Variants in MOSPD2 observed in about 807,000 individuals in gnomAD.
MOSPD2 encodes the protein motile sperm domain containing 2.
MOSPD2 carries 5 observed loss-of-function variants against 41.7 expected under a neutral mutation model. That is an observed-to-expected ratio of 0.12 (90% CI 0.06 to 0.25). MOSPD2 has a LOEUF of 0.25. Among genes scored for constraint, MOSPD2 ranks in the 10% least tolerant of loss-of-function variants. MOSPD2 has a pLI of 1.00. For missense variants in MOSPD2, 282 were observed against 375.2 expected (o/e 0.75, Z 2.05); for synonymous variants, 115 against 126.9 (o/e 0.91, Z 0.63).
intron 5 of MOSPD2, 139 bp downstream of exon 5, chrX:14,897,377 G>GT: frequency 2.2e-6 from 1 of 462,038 alleles, no homozygotes. Context: ...ACCTTGCAGT[G>GT]TGAGTGTAGT....
At position 14,920,337 on chromosome X, in the gene MOSPD2, C is replaced by T; in HGVS notation, c.*528C>T. The T allele has an allele frequency of 1.3e-6, 1 of 753,189 alleles. No homozygotes were observed. The highest frequency in any genetic ancestry group is 6.7e-5 in the South Asian group (1 of 14,823). The allele number at this position is 753,189 out of a possible 1,213,427, so 62.1% of individuals were successfully genotyped here. A position where few individuals can be genotyped will look rare whatever the true frequency, so the allele number is the denominator to read the frequency against. On this transcript the variant is annotated 3_prime_UTR_variant, in exon 15 of 15. Coordinates refer to ENST00000380492, the MANE Select transcript of MOSPD2 (RefSeq NM_152581.4). ...CATGACTTTGTAATTTTGAGAATTC[C>T]TCCCAGTGATGGTCAGTATTCTTTT... is the stretch of plus-strand genomic sequence containing the variant.
At chrX:14,888,380 G>A (rs889363049) in intron 2 of MOSPD2, among the ~76,000 whole-genome samples, 1 of 110,475 alleles carries the variant, frequency 9.1e-6, no homozygotes, top group African/African-American at 3.3e-5. Flanking sequence ...AATTATGGGG[G>A]CAGGTCTTTC....
At position 14,915,685 on chromosome X, in the gene MOSPD2, A is replaced by G. The variant is rs1335047719; in HGVS notation, c.1107A>G (p.Pro369=). Residue 369 remains proline (P), a synonymous_variant, in exon 12 of 15, where the codon CCA becomes CCG. Transcript: ENST00000380492. ...ATAAATAGGTGAGAACAACAGCTCC[A>G]GAAAAATACAGAGTCAAGCCAAGCA... The part of the protein sequence containing the change: ...IVAFKVRTTA[P]EKYRVKPSNS... 1 of 1,207,453 alleles carries G rather than the reference A, an allele frequency of 8.3e-7. No individual in the cohort carries two copies. The highest frequency in any genetic ancestry group is 3.0e-5 in the East Asian group (1 of 33,589).
chrX:14,917,627 T>A (rs2019286490), intron 13 of MOSPD2, among the ~76,000 whole-genome samples: 1 of 111,928 alleles, frequency 8.9e-6, no homozygotes, highest in African/African-American at 3.2e-5. Flanking sequence ...GCTTTAGACA[T>A]ATTGATTCAT....
rs377500177 is a variant in MOSPD2, at chrX:14,911,397, C to T, written c.863C>T (p.Thr288Ile). ...TLETISNEEQ[T>I]PLLKKINPTE... ...GAAACAATTTCTAATGAAGAACAAA[C>T]ACCTCTTCTTAAAAAGGTAACTTTA... Residue 288 changes from threonine to isoleucine, a missense_variant, in exon 9 of 15, where the codon ACA becomes ATA. Coordinates refer to ENST00000380492, the MANE Select transcript of MOSPD2 (RefSeq NM_152581.4). The T allele has an allele frequency of 5.1e-6, 6 of 1,181,111 alleles. No individual in the cohort carries two copies. Among genetic ancestry groups the T allele is most frequent in the Middle Eastern group, 4.7e-4 (2 of 4,230 alleles).
intron 2 of MOSPD2, among the ~76,000 whole-genome samples, chrX:14,891,500 AT>A (rs200381044): frequency 0.038 from 4,034 of 104,872 alleles, 86 homozygotes; most frequent in Non-Finnish European, 0.057. Context: ...TACTTAGTTA[AT>A]TTTTTTTTTA....
At chrX:14,899,391 A>G (rs937150734) in intron 5 of MOSPD2, among the ~76,000 whole-genome samples, 1 of 109,231 alleles carries the variant, frequency 9.2e-6, no homozygotes, top group Non-Finnish European at 1.9e-5. Flanking sequence ...CATAAATTCT[A>G]GACTAGGTAA....
intron 5 of MOSPD2, among the ~76,000 whole-genome samples, 162 bp downstream of exon 5, chrX:14,897,400 A>G (rs955680303): frequency 5.4e-5 from 6 of 111,951 alleles, no homozygotes; most frequent in Non-Finnish European, 1.1e-4. Context: ...AACATGGAAT[A>G]GGGTTTGCAG....
At chrX:14,908,479 C>A (rs1463170949) in intron 7 of MOSPD2, among the ~76,000 whole-genome samples, 1 of 111,358 alleles carries the variant, frequency 9.0e-6, no homozygotes, top group African/African-American at 3.3e-5. Context: ...TTATCAGAAC[C>A]ATAAGGTAAA....
At chrX:14,883,398 T>C (rs996530908) in intron 2 of MOSPD2, among the ~76,000 whole-genome samples, 1 of 111,815 alleles carries the variant, frequency 8.9e-6, no homozygotes, top group Non-Finnish European at 1.9e-5. Flanking sequence ...TTTGATAAGA[T>C]CTCTAGGAGA....
At chrX:14,896,359 T>C (rs1465676506) in intron 4 of MOSPD2, among the ~76,000 whole-genome samples, 3 of 111,196 alleles carry the variant, frequency 2.7e-5, no homozygotes, top group African/African-American at 9.8e-5. Flanking sequence ...GGCCCACTCA[T>C]TGGCTCTTCC....
At chrX:14,879,323 G>A (rs967451380) in intron 2 of MOSPD2, among the ~76,000 whole-genome samples, 5 of 111,580 alleles carry the variant, frequency 4.5e-5, no homozygotes, top group African/African-American at 1.6e-4. Context: ...TTCAAGAACT[G>A]GGGTTCCTTG....
intron 5 of MOSPD2, among the ~76,000 whole-genome samples, chrX:14,899,499 G>T (rs2092568734): frequency 1.1e-5 from 1 of 87,875 alleles, no homozygotes. Flanking sequence ...ATAATGATTA[G>T]TTACAAAGGT....
intron 13 of MOSPD2, among the ~76,000 whole-genome samples, chrX:14,918,131 G>A (rs748190948): frequency 1.8e-5 from 2 of 112,220 alleles, no homozygotes; most frequent in East Asian, 5.6e-4. Context: ...GGTAAGAAAC[G>A]CTGGTATAAA....
chrX:14,894,937 A>G (rs2092560414), intron 3 of MOSPD2, among the ~76,000 whole-genome samples: 1 of 112,235 alleles, frequency 8.9e-6, no homozygotes. Flanking sequence ...TAAAGAAACC[A>G]AAGTGATTTT....
intron 7 of MOSPD2, among the ~76,000 whole-genome samples, chrX:14,904,310 A>G: frequency 8.9e-6 from 1 of 112,117 alleles, no homozygotes; most frequent in Non-Finnish European, 1.9e-5. Context: ...AGTGGGCTCA[A>G]CATATGAAAA....
chrX:14,883,193 C>T (rs1286678798), intron 2 of MOSPD2, among the ~76,000 whole-genome samples: 1 of 105,535 alleles, frequency 9.5e-6, no homozygotes, highest in Non-Finnish European at 1.9e-5. Context: ...GACTCCATCT[C>T]GAAAAAAAAA....
intron 7 of MOSPD2, among the ~76,000 whole-genome samples, chrX:14,907,110 C>T (rs1459854472): frequency 1.8e-5 from 2 of 112,209 alleles, no homozygotes; most frequent in African/African-American, 6.5e-5. Context: ...GCAATAAGCA[C>T]ATAAAGAGAT....
At position 14,911,229 on chromosome X, in the gene MOSPD2, T is replaced by A. The variant is rs763583428; in HGVS notation, c.703-8T>A. On this transcript the variant is annotated splice_region_variant and splice_polypyrimidine_tract_variant and intron_variant, in intron 8 of 14. Transcript: ENST00000380492. ...TTAGTAGGCTCATGTGAAATTATTT[T>A]CTTGTAGGATCCTTTCAAGTATAGC... The A allele has an allele frequency of 4.2e-6, 5 of 1,182,874 alleles. No individual in the cohort carries two copies. In the Admixed American group the frequency reaches 1.3e-4, roughly 30 times the overall value.
Sources: gnomAD v4.1 joint callset for allele counts (sites outside exome capture counted in the v4.1 genomes callset) on GRCh38, gnomAD v4.1.1 for gene constraint, MANE v1.5 for transcripts, NCBI Gene and HGNC (gene_info 2026-07-23, HGNC 2026-07-21) for gene names.